The following BCKDHB variants were observed in gnomAD, a reference collection of about 807,000 sequenced individuals.
BCKDHB encodes 2-oxoisovalerate dehydrogenase subunit beta, mitochondrial.
A neutral mutation model predicts 48.5 loss-of-function variants in BCKDHB; 41 were observed. The ratio of observed to expected loss-of-function variants is 0.85; its 90% CI spans 0.66 to 1.10. BCKDHB has a LOEUF of 1.10. Among genes scored for constraint, BCKDHB ranks in the 50% least tolerant of loss-of-function variants. The pLI is 0.00. For synonymous variants in BCKDHB, 201 were observed against 174.8 expected, an observed-to-expected ratio of 1.15 and a Z score of -1.18; for missense variants, 496 against 494.2, an observed-to-expected ratio of 1.00 and a Z score of -0.03.
intron 1 of BCKDHB, among the ~76,000 whole-genome samples, chr6:80,109,275 A>G (rs1043338847): frequency 3.9e-5 from 6 of 152,198 alleles, no homozygotes; most frequent in Admixed American, 6.5e-5. Flanking sequence ...AACAATGTCT[A>G]TAATATACTT....
At chr6:80,161,766 C>T (rs1397229356) in intron 3 of BCKDHB, among the ~76,000 whole-genome samples, 2 of 152,208 alleles carry the variant, frequency 1.3e-5, no homozygotes, top group Non-Finnish European at 1.5e-5. Flanking sequence ...ATACTCTTGT[C>T]ATTAGCAATA....
At chr6:80,456,368 G>T in the BCKDHB span, among the ~76,000 whole-genome samples, 1 of 152,138 alleles carries the variant, frequency 6.6e-6, no homozygotes, top group African/African-American at 2.4e-5. Context: ...GCTCAGGTAA[G>T]AGGCTGTGGC....
In BCKDHB at chr6:80,294,540, C is replaced by T. The variant is rs566891783; in HGVS notation, c.1038+21319C>T. On this transcript the variant is annotated intron_variant, in intron 9 of 9. Coordinates refer to ENST00000320393, the MANE Select transcript of BCKDHB (RefSeq NM_183050.4). Reference sequence around the variant, plus strand: ...ACCGATGTGCAAGTAGGAGACATATCGCTAAATTATTTTCCTAGCAAGGAA... The same window carrying T: ...ACCGATGTGCAAGTAGGAGACATATTGCTAAATTATTTTCCTAGCAAGGAA... Among the ~76,000 whole-genome samples the T allele has an allele frequency of 7.2e-5, 11 of 152,260 alleles. 1 individual carries two copies. The South Asian group carries it at 1.0e-3, about 14-fold the overall frequency.
chr6:80,362,559 C>T, the BCKDHB span, among the ~76,000 whole-genome samples: 2 of 152,034 alleles, frequency 1.3e-5, no homozygotes, highest in Non-Finnish European at 2.9e-5. Context: ...ATAAGGGCAA[C>T]CAAGAATGGT....
chr6:80,428,788 C>T, the BCKDHB span, among the ~76,000 whole-genome samples: 814 of 152,110 alleles, frequency 5.4e-3, 5 homozygotes, highest in South Asian at 0.013. Context: ...GTCAGATGGA[C>T]AGATTGCACA....
chr6:80,297,229 A>G (rs762330078), intron 9 of BCKDHB, among the ~76,000 whole-genome samples: 6 of 152,216 alleles, frequency 3.9e-5, no homozygotes, highest in Admixed American at 2.0e-4. Context: ...ACCCTAAACT[A>G]CTTAGAAAAC....
the BCKDHB span, among the ~76,000 whole-genome samples, chr6:80,431,322 G>A: frequency 6.6e-6 from 1 of 152,162 alleles, no homozygotes; most frequent in Non-Finnish European, 1.5e-5. Flanking sequence ...GAGTTCTGTG[G>A]ATGTCTATTA....
chr6:80,447,726 G>A, the BCKDHB span, among the ~76,000 whole-genome samples: 2,215 of 151,990 alleles, frequency 0.015, 51 homozygotes, highest in African/African-American at 0.05. Flanking sequence ...TTGGGAGTGG[G>A]GGAAGTCTGA....
At chr6:80,174,604 T>C (rs1290808097) in intron 6 of BCKDHB, among the ~76,000 whole-genome samples, 1 of 152,216 alleles carries the variant, frequency 6.6e-6, no homozygotes, top group Non-Finnish European at 1.5e-5. Flanking sequence ...AAAGGTTAAC[T>C]GTAATCTTAA....
At chr6:80,119,888 T>C (rs1300421756) in intron 1 of BCKDHB, among the ~76,000 whole-genome samples, 2 of 152,094 alleles carry the variant, frequency 1.3e-5, no homozygotes, top group Non-Finnish European at 2.9e-5. Context: ...CATTATACTT[T>C]AAGTTCTAGG....
At chr6:80,210,207 C>T (rs1774858052) in intron 8 of BCKDHB, among the ~76,000 whole-genome samples, 1 of 148,592 alleles carries the variant, frequency 6.7e-6, no homozygotes, top group Non-Finnish European at 1.5e-5. Flanking sequence ...TGTAAACTGC[C>T]GAAGTACTCA....
At chr6:80,150,448 AAATATATTGCATATCAGTG>A (rs1771715487) in intron 3 of BCKDHB, among the ~76,000 whole-genome samples, 1 of 152,150 alleles carries the variant, frequency 6.6e-6, no homozygotes, top group African/African-American at 2.4e-5. Flanking sequence ...CTGATACAGT[AAATATATTGCATATCAGTG>A]AATGATGTCT....
chr6:80,422,666 AAGG>A, the BCKDHB span, among the ~76,000 whole-genome samples: 2 of 152,210 alleles, frequency 1.3e-5, no homozygotes, highest in Admixed American at 6.5e-5. Context: ...CATGGAGTCA[AAGG>A]AGGTTATTTT....
At chr6:80,171,057 G>C (rs1772888490) in intron 5 of BCKDHB, among the ~76,000 whole-genome samples, 1 of 151,902 alleles carries the variant, frequency 6.6e-6, no homozygotes, top group Non-Finnish European at 1.5e-5. Flanking sequence ...TAGTATCTTA[G>C]TTAACAGAAC....
At chr6:80,155,406 T>C (rs530421841) in intron 3 of BCKDHB, among the ~76,000 whole-genome samples, 18 of 152,246 alleles carry the variant, frequency 1.2e-4, no homozygotes, top group Non-Finnish European at 2.5e-4. Flanking sequence ...GGAAATAAAT[T>C]TCTCTAGTAG....
chr6:80,391,565 T>G, the BCKDHB span, among the ~76,000 whole-genome samples: 1,167 of 152,270 alleles, frequency 7.7e-3, 12 homozygotes, highest in African/African-American at 0.027. Flanking sequence ...CCCTAGAGCC[T>G]CTAGAGGAAA....
intron 9 of BCKDHB, among the ~76,000 whole-genome samples, chr6:80,313,479 G>A (rs184019455): frequency 4.6e-5 from 7 of 152,262 alleles, no homozygotes; most frequent in African/African-American, 1.7e-4. Context: ...TCCTGCCTCA[G>A]CCTCCCGAGT....
At chr6:80,451,029 G>T in the BCKDHB span, among the ~76,000 whole-genome samples, 4 of 152,040 alleles carry the variant, frequency 2.6e-5, no homozygotes, top group Non-Finnish European at 5.9e-5. Flanking sequence ...ATAAAACCTG[G>T]TTATTTTTTA....
chr6:80,437,181 C>A, the BCKDHB span, among the ~76,000 whole-genome samples: 1 of 151,894 alleles, frequency 6.6e-6, no homozygotes, highest in South Asian at 2.1e-4. Flanking sequence ...ATAGACTTCC[C>A]AGAATAAAAT....
Sources: gnomAD v4.1 joint callset for allele counts (sites outside exome capture counted in the v4.1 genomes callset) on GRCh38, gnomAD v4.1.1 for gene constraint, MANE v1.5 for transcripts, NCBI Gene and HGNC (gene_info 2026-07-23, HGNC 2026-07-21) for gene names.